The following LOC400499 variants were observed in gnomAD, a reference collection of about 807,000 sequenced individuals.
the LOC400499 span, among the ~76,000 whole-genome samples, chr16:11,372,909 TGG>T: frequency 2.6e-5 from 4 of 152,218 alleles, no homozygotes; most frequent in South Asian, 8.3e-4. Context: ...GCAGCGGGCA[TGG>T]GTCAATGAGT....
At chr16:11,394,723 G>A in the LOC400499 span, among the ~76,000 whole-genome samples, 433 of 152,354 alleles carry the variant, frequency 2.8e-3, 2 homozygotes, top group Non-Finnish European at 4.2e-3. Context: ...CCAGAAGGCA[G>A]AAGGCCACCA....
the LOC400499 span, among the ~76,000 whole-genome samples, chr16:11,411,713 T>C: frequency 6.6e-6 from 1 of 152,060 alleles, no homozygotes; most frequent in East Asian, 1.9e-4. Flanking sequence ...CTTTCTTGGG[T>C]TGGTCCCATG....
the LOC400499 span, chr16:11,385,256 G>C: frequency 1.6e-6 from 2 of 1,232,318 alleles, no homozygotes; most frequent in African/African-American, 3.1e-5. Context: ...TAAGTTCCAC[G>C]AACAGGGCTG....
the LOC400499 span, among the ~76,000 whole-genome samples, chr16:11,473,530 G>A: frequency 1.8e-4 from 28 of 152,152 alleles, no homozygotes; most frequent in African/African-American, 6.3e-4. Flanking sequence ...CAAAGCAGGC[G>A]GATCACCCGA....
At chr16:11,459,051 A>C in the LOC400499 span, among the ~76,000 whole-genome samples, 1 of 151,894 alleles carries the variant, frequency 6.6e-6, no homozygotes, top group Non-Finnish European at 1.5e-5. Context: ...AAAATAAAAA[A>C]TAAAATAAAT....
chr16:11,475,713 G>C, the LOC400499 span: 3 of 398,918 alleles, frequency 7.5e-6, no homozygotes, highest in East Asian at 7.1e-5. Context: ...GTACAGCTGA[G>C]AGCTGGGTGG....
the LOC400499 span, among the ~76,000 whole-genome samples, chr16:11,437,587 G>C: frequency 1.3e-5 from 2 of 152,006 alleles, no homozygotes; most frequent in Non-Finnish European, 2.9e-5. Context: ...TAATGTTTGA[G>C]CTGGGCACAG....
chr16:11,426,308 T>A, the LOC400499 span, among the ~76,000 whole-genome samples: 2 of 152,234 alleles, frequency 1.3e-5, no homozygotes, highest in African/African-American at 4.8e-5. Context: ...TGGTGGCGCA[T>A]GCCTGTCATC....
At chr16:11,413,939 G>T in the LOC400499 span, among the ~76,000 whole-genome samples, 2 of 152,198 alleles carry the variant, frequency 1.3e-5, no homozygotes, top group African/African-American at 4.8e-5. Flanking sequence ...ATCGGAGAGG[G>T]CCTTGGTAAG....
At chr16:11,440,752 G>A in the LOC400499 span, 22 of 398,954 alleles carry the variant, frequency 5.5e-5, no homozygotes, top group Admixed American at 6.2e-4. Context: ...ATTGACGGCA[G>A]CTCGTGCATC....
At chr16:11,433,481 G>A in the LOC400499 span, among the ~76,000 whole-genome samples, 1 of 152,202 alleles carries the variant, frequency 6.6e-6, no homozygotes, top group Non-Finnish European at 1.5e-5. Context: ...ATATTGTGAT[G>A]TAATAGGAAA....
chr16:11,477,921 G>T, the LOC400499 span: 1 of 399,026 alleles, frequency 2.5e-6, no homozygotes. Context: ...TTTAGGGTCA[G>T]CCGGGCAGGA....
the LOC400499 span, among the ~76,000 whole-genome samples, chr16:11,377,403 C>A: frequency 6.6e-6 from 1 of 152,192 alleles, no homozygotes; most frequent in African/African-American, 2.4e-5. Context: ...TTTAATTCCT[C>A]ATCTTGGAAA....
At chr16:11,470,080 T>G in the LOC400499 span, among the ~76,000 whole-genome samples, 1 of 152,110 alleles carries the variant, frequency 6.6e-6, no homozygotes, top group Non-Finnish European at 1.5e-5. Flanking sequence ...TTTTTGTTGT[T>G]GTTGTTATTT....
chr16:11,497,736 C>T, the LOC400499 span, among the ~76,000 whole-genome samples: 4 of 152,026 alleles, frequency 2.6e-5, no homozygotes, highest in East Asian at 3.9e-4. Flanking sequence ...TATGGCTGCC[C>T]GGGGGATGAA....
the LOC400499 span, among the ~76,000 whole-genome samples, chr16:11,487,676 G>A: frequency 6.6e-6 from 1 of 152,188 alleles, no homozygotes; most frequent in African/African-American, 2.4e-5. Flanking sequence ...GCCTTAGGTT[G>A]AAAGAGATTC....
the LOC400499 span, chr16:11,456,869 C>G: frequency 2.0e-6 from 3 of 1,536,182 alleles, no homozygotes; most frequent in Non-Finnish European, 2.6e-6. Context: ...CTTCCCACTT[C>G]CACAGGGTGG....
chr16:11,447,949 C>T, the LOC400499 span: 5 of 1,535,842 alleles, frequency 3.3e-6, no homozygotes, highest in Non-Finnish European at 4.4e-6. Context: ...GAGCAAGGCC[C>T]CCCGTTTCCG....
At chr16:11,488,116 C>CAAA in the LOC400499 span, among the ~76,000 whole-genome samples, 29 of 138,956 alleles carry the variant, frequency 2.1e-4, no homozygotes, top group African/African-American at 5.7e-4. Flanking sequence ...TAGTCCATGT[C>CAAA]AAAAAAAAAA....
Sources: allele counts gnomAD v4.1 joint callset (sites outside exome capture counted in the v4.1 genomes callset), GRCh38; gene constraint gnomAD v4.1.1; transcripts MANE v1.5.